FNDC3B: variants seen among roughly 807,000 people sequenced by gnomAD.
FNDC3B encodes the protein fibronectin type III domain-containing protein 3B.
A neutral mutation model predicts 151.5 loss-of-function variants in FNDC3B; 12 were observed. That is an observed-to-expected ratio of 0.08 (90% CI 0.05 to 0.13). The LOEUF (loss-of-function observed/expected upper bound fraction) is 0.13. Among genes scored for constraint, FNDC3B ranks in the 10% least tolerant of loss-of-function variants. FNDC3B has a pLI of 1.00. For synonymous variants in FNDC3B, 528 were observed against 549.0 expected (o/e 0.96, Z 0.54); for missense variants, 1,214 against 1,505.3 (o/e 0.81, Z 3.20).
chr3:172,283,900 T>A (rs1439906960), intron 6 of FNDC3B, among the ~76,000 whole-genome samples: 1 of 152,158 alleles, frequency 6.6e-6, no homozygotes, highest in East Asian at 1.9e-4. Context: ...ATTGGGTCTT[T>A]TGAATGTGGG....
chr3:172,071,428 G>T (rs1717768224), intron 1 of FNDC3B, among the ~76,000 whole-genome samples: 1 of 152,060 alleles, frequency 6.6e-6, no homozygotes, highest in Non-Finnish European at 1.5e-5. Flanking sequence ...TGGGCTCATG[G>T]ATCTTTAGGT....
At chr3:172,301,328 A>C (rs1007294889) in intron 9 of FNDC3B, among the ~76,000 whole-genome samples, 2 of 152,326 alleles carry the variant, frequency 1.3e-5, no homozygotes, top group South Asian at 4.1e-4. Flanking sequence ...CATATCACTC[A>C]CATTTTTATT....
chr3:172,350,731 T>C (rs1031551081), intron 21 of FNDC3B, among the ~76,000 whole-genome samples: 1 of 152,182 alleles, frequency 6.6e-6, no homozygotes, highest in Admixed American at 6.5e-5. Flanking sequence ...TATGTGCCTG[T>C]GGTTCCAGCT....
At position 172,396,443 on chromosome 3, in the gene FNDC3B, C is replaced by A. The variant is rs114352388; in HGVS notation, c.3304-721C>A. 4.7e-3 allele frequency among the ~76,000 whole-genome samples: 711 copies of A among 152,206 alleles called. 3 individuals are homozygous for A. Among genetic ancestry groups the A allele is most frequent in the African/African-American group, 0.016 (665 of 41,518 alleles). On this transcript the variant is annotated intron_variant, in intron 25 of 25. Transcript: ENST00000415807. ...TGTTTGCTCAGTTTTTAATTGTTTC[C>A]ATTTTAGAATGTTAACTTTGTTCTT...
intron 2 of FNDC3B, among the ~76,000 whole-genome samples, chr3:172,125,178 T>C (rs1021643182): frequency 1.6e-4 from 24 of 152,188 alleles, no homozygotes; most frequent in African/African-American, 5.5e-4. Context: ...TTATCTTACA[T>C]GATCTCCACA....
intron 9 of FNDC3B, chr3:172,302,992 A>G (rs1731006501): frequency 6.9e-6 from 1 of 144,460 alleles, no homozygotes; most frequent in Non-Finnish European, 1.5e-5. Flanking sequence ...TATGTAAATA[A>G]ATTGCATTAT....
chr3:172,167,981 T>TA (rs938015811), intron 3 of FNDC3B, among the ~76,000 whole-genome samples: 2 of 152,202 alleles, frequency 1.3e-5, no homozygotes, highest in Admixed American at 6.5e-5. Flanking sequence ...CATTTCGAGT[T>TA]ACACCTCTCT....
chr3:172,054,463 G>A (rs1037770669), intron 1 of FNDC3B, among the ~76,000 whole-genome samples: 39 of 152,190 alleles, frequency 2.6e-4, no homozygotes, highest in Admixed American at 3.3e-4. Flanking sequence ...TCTGAAGAGC[G>A]GCCTGACTTG....
At chr3:172,056,318 G>A (rs757812137) in intron 1 of FNDC3B, among the ~76,000 whole-genome samples, 3 of 152,234 alleles carry the variant, frequency 2.0e-5, no homozygotes, top group South Asian at 4.1e-4. Context: ...TTTTTCATGA[G>A]AAAGCATAGA....
intron 23 of FNDC3B, among the ~76,000 whole-genome samples, chr3:172,374,999 T>C (rs1247867312): frequency 3.5e-5 from 1 of 28,600 alleles, no homozygotes; most frequent in East Asian, 1.4e-3. Context: ...TAAATGATTT[T>C]CATAGTATAA....
chr3:172,376,849 TAAA>T (rs752232518), intron 23 of FNDC3B, among the ~76,000 whole-genome samples: 5 of 117,778 alleles, frequency 4.2e-5, no homozygotes, highest in Non-Finnish European at 7.3e-5. Context: ...CAGGCTTTGT[TAAA>T]AAAAAAAAAA....
chr3:172,281,256 T>G (rs1729708572), intron 6 of FNDC3B, among the ~76,000 whole-genome samples: 1 of 138,192 alleles, frequency 7.2e-6, no homozygotes, highest in Admixed American at 7.1e-5. Context: ...TTTATTTATT[T>G]ATATTTTGAG....
At chr3:172,327,405 CG>C (rs1732411762) in intron 11 of FNDC3B, among the ~76,000 whole-genome samples, 1 of 149,914 alleles carries the variant, frequency 6.7e-6, no homozygotes, top group African/African-American at 2.5e-5. Flanking sequence ...TTTTGGGGGG[CG>C]GGGCGGGGCA....
At chr3:172,128,829 C>T (rs1720928422) in intron 2 of FNDC3B, among the ~76,000 whole-genome samples, 1 of 152,072 alleles carries the variant, frequency 6.6e-6, no homozygotes, top group Admixed American at 6.6e-5. Flanking sequence ...CAAAGTGTGG[C>T]CAGTGGAAAA....
In FNDC3B at chr3:172,086,425, C is replaced by T. The variant is rs191550800; in HGVS notation, c.-28-26027C>T. Among the ~76,000 whole-genome samples the T allele has an allele frequency of 5.9e-5, 9 of 151,586 alleles. No individual in the cohort carries two copies. In the East Asian group the frequency reaches 1.7e-3, roughly 29 times the overall value. On this transcript the variant is annotated intron_variant, in intron 1 of 25. Coordinates refer to ENST00000415807, the MANE Select transcript of FNDC3B (RefSeq NM_022763.4). Reference sequence around the variant, plus strand: ...CAAATGGCATATGCTTCCAAGGGTACATTGGAAAATTGGCAATTTCAAGCC... The same window carrying T: ...CAAATGGCATATGCTTCCAAGGGTATATTGGAAAATTGGCAATTTCAAGCC...
intron 24 of FNDC3B, 23 bp downstream of exon 24, chr3:172,378,459 C>T: frequency 1.3e-6 from 2 of 1,570,662 alleles, no homozygotes; most frequent in South Asian, 2.4e-5. Context: ...TGTATTCTTT[C>T]TCGCTCTCTT....
At chr3:172,287,137 G>A (rs924568527) in intron 7 of FNDC3B, among the ~76,000 whole-genome samples, 3 of 152,156 alleles carry the variant, frequency 2.0e-5, no homozygotes, top group Admixed American at 6.5e-5. Flanking sequence ...CCATCAAGTG[G>A]GAGGCTCTAC....
intron 22 of FNDC3B, among the ~76,000 whole-genome samples, chr3:172,361,438 C>A (rs937110431): frequency 2.0e-5 from 3 of 152,180 alleles, no homozygotes; most frequent in African/African-American, 7.2e-5. Flanking sequence ...TTGCCAGATA[C>A]CCTAAGTTAT....
intron 23 of FNDC3B, among the ~76,000 whole-genome samples, chr3:172,365,939 G>A (rs1394898398): frequency 2.0e-5 from 3 of 152,116 alleles, no homozygotes; most frequent in African/African-American, 2.4e-5. Flanking sequence ...AAATAAAGGG[G>A]TTAAACTAGA....
Sources: gnomAD v4.1 joint callset for allele counts (sites outside exome capture counted in the v4.1 genomes callset) on GRCh38, gnomAD v4.1.1 for gene constraint, MANE v1.5 for transcripts, NCBI Gene and HGNC (gene_info 2026-07-23, HGNC 2026-07-21) for gene names.